PCNX4: variants seen among roughly 807,000 people sequenced by gnomAD.
PCNX4 encodes the protein pecanex 4, also known as pecanex-like protein 4.
A neutral mutation model predicts 107.2 loss-of-function variants in PCNX4; 103 were observed. The observed-to-expected ratio is 0.96, with a 90% confidence interval of 0.82 to 1.13. The LOEUF is 1.13. Among genes scored for constraint, PCNX4 ranks in the 50% most tolerant of loss-of-function variants. PCNX4 has a pLI of 0.00. For synonymous variants in PCNX4, 541 were observed against 481.7 expected, an observed-to-expected ratio of 1.12 and a Z score of -1.61; for missense variants, 1,528 against 1,379.4, an observed-to-expected ratio of 1.11 and a Z score of -1.71.
intron 6 of PCNX4, 126 bp downstream of exon 6, chr14:60,116,186 C>T (rs1775111263): frequency 1.1e-6 from 1 of 944,312 alleles, no homozygotes; most frequent in Non-Finnish European, 1.5e-6. Context: ...TTTCAACATC[C>T]CAAAAAGAAA....
rs1228063171 is a variant in PCNX4 at position 60,134,208 on chromosome 14, T to C, written c.3506T>C (p.Ile1169Thr). The C allele has an allele frequency of 1.2e-6, 2 of 1,613,590 alleles. No homozygotes were observed. Among genetic ancestry groups the C allele is most frequent in the African/African-American group, 1.3e-5 (1 of 75,056 alleles). Residue 1169 changes from isoleucine (I) to threonine (T), a missense_variant, in exon 11 of 11, where the codon ATA (isoleucine) becomes ACA (threonine). Ile to Thr is a moderately conservative substitution (Grantham distance 89, BLOSUM62 -1). Coordinates refer to ENST00000406854, the MANE Select transcript of PCNX4 (RefSeq NM_001330177.2). The stretch of plus-strand genomic sequence containing the variant: ...ATTTATTCTTCAAAACCTCTCCACA[T>C]ACATTTGTATTAGAGCTCATTTTGA... ...YPIYSSKPLH[I>T]HLY
chr14:60,105,172 A>G (rs1413680872), intron 1 of PCNX4, among the ~76,000 whole-genome samples: 1 of 152,220 alleles, frequency 6.6e-6, no homozygotes, highest in Admixed American at 6.5e-5. Context: ...GTGATGCCTA[A>G]CCTGTAGTAT....
chr14:60,129,318 C>G (rs1206741878), intron 10 of PCNX4, among the ~76,000 whole-genome samples: 1 of 151,802 alleles, frequency 6.6e-6, no homozygotes, highest in African/African-American at 2.4e-5. Flanking sequence ...TTTGGGAGGC[C>G]AAGGCAGGAG....
At chr14:60,094,096 C>T (rs927496504) in intron 1 of PCNX4, among the ~76,000 whole-genome samples, 6 of 152,042 alleles carry the variant, frequency 3.9e-5, no homozygotes, top group Admixed American at 3.3e-4. Context: ...TATAGTCTAG[C>T]TATAAGTCAT....
At chr14:60,128,122 C>A (rs1296240373) in intron 10 of PCNX4, among the ~76,000 whole-genome samples, 2 of 152,026 alleles carry the variant, frequency 1.3e-5, no homozygotes, top group East Asian at 3.9e-4. Flanking sequence ...ACTGCTCCAA[C>A]ATACACTTAG....
rs375664761 is a variant in PCNX4 at position 60,091,970 on chromosome 14, C to G, written c.-503C>G. 2 of 152,442 alleles carry G rather than the reference C, an allele frequency of 1.3e-5. No homozygotes were observed. The highest frequency in any genetic ancestry group is 1.9e-4 in the East Asian group (1 of 5,204). The allele number at this position is 152,442 out of a possible 1,614,324, so 9.4% of individuals were successfully genotyped here. On this transcript the variant is annotated 5_prime_UTR_variant, in exon 1 of 11. Transcript: ENST00000406854. The stretch of plus-strand genomic sequence containing the variant: ...AACGTTCAGGGCGTCTCGGCTTTCC[C>G]CGCTGCTGCTTCTGCTAGGCCCAGT...
At chr14:60,130,383 A>G (rs1221931184) in intron 10 of PCNX4, among the ~76,000 whole-genome samples, 1 of 151,848 alleles carries the variant, frequency 6.6e-6, no homozygotes, top group Non-Finnish European at 1.5e-5. Flanking sequence ...ACTATTTAAC[A>G]AAATCCCACA....
rs1251336974 is a variant in PCNX4 at position 60,142,945 on chromosome 14, C to T, written c.*8724C>T. ...TGCCACTGTACTCTAGCCTGGGCGA[C>T]ACAGTAAGACTCCATCTCCAAAAGA... is the stretch of plus-strand genomic sequence containing the variant. On this transcript the variant is annotated 3_prime_UTR_variant, in exon 11 of 11. Transcript: ENST00000406854. This position sits in a 1 kb window ranked among gnomAD's most constrained non-coding sequence, Gnocchi z 4.7. The T allele has an allele frequency of 6.6e-6, 1 of 151,888 alleles. No homozygotes were observed. The highest frequency in any genetic ancestry group is 2.4e-5 in the African/African-American group (1 of 41,220). 9.4% of individuals were successfully genotyped at this position (151,888 alleles called of 1,614,324 possible). A position where few individuals can be genotyped will look rare whatever the true frequency, so the allele number is the denominator to read the frequency against.
rs1165126584 is a variant in PCNX4 at position 60,135,943 on chromosome 14, T to C, written c.*1722T>C. 1 of 152,176 alleles carries C rather than the reference T, an allele frequency of 6.6e-6. No homozygotes were observed. The highest frequency in any genetic ancestry group is 1.5e-5 in the Non-Finnish European group (1 of 68,018). 9.4% of individuals were successfully genotyped at this position (152,176 alleles called of 1,614,324 possible). ...CAAATAATGTGAATTTTAAGTTGTTTAGAGATTTTCACTGTGATAATAATG... is the reference window on the plus strand; with the variant it reads ...CAAATAATGTGAATTTTAAGTTGTTCAGAGATTTTCACTGTGATAATAATG... On this transcript the variant is annotated 3_prime_UTR_variant, in exon 11 of 11. Coordinates refer to ENST00000406854, the MANE Select transcript of PCNX4 (RefSeq NM_001330177.2).
intron 7 of PCNX4, among the ~76,000 whole-genome samples, chr14:60,119,774 G>A (rs1037246682): frequency 2.6e-5 from 4 of 152,232 alleles, no homozygotes; most frequent in Admixed American, 2.6e-4. Flanking sequence ...GCGTTATAAA[G>A]TATTTTCTGG....
At chr14:60,116,344 A>T (rs1057256753) in intron 6 of PCNX4, among the ~76,000 whole-genome samples, 4 of 152,184 alleles carry the variant, frequency 2.6e-5, no homozygotes, top group African/African-American at 2.4e-5. Flanking sequence ...GATCTTTTGC[A>T]TCTGGCTTCT....
At chr14:60,098,808 C>T (rs1187667512) in intron 1 of PCNX4, among the ~76,000 whole-genome samples, 1 of 151,918 alleles carries the variant, frequency 6.6e-6, no homozygotes, top group African/African-American at 2.4e-5. Flanking sequence ...CGTGGTGGTG[C>T]ATGCCTGTAA....
chr14:60,102,248 C>A (rs1258349141), intron 1 of PCNX4, among the ~76,000 whole-genome samples: 3 of 151,850 alleles, frequency 2.0e-5, no homozygotes, highest in Admixed American at 2.0e-4. Context: ...AAATCAAAAT[C>A]CTAACAATAC....
chr14:60,109,369 C>T (rs1895691830), intron 2 of PCNX4: 1 of 167,118 alleles, frequency 6.0e-6, no homozygotes, highest in Non-Finnish European at 1.5e-5. Flanking sequence ...TACCAAATAC[C>T]TAAAAATGTG....
chr14:60,105,587 T>C (rs751806215), intron 1 of PCNX4, among the ~76,000 whole-genome samples: 1 of 152,212 alleles, frequency 6.6e-6, no homozygotes, highest in Non-Finnish European at 1.5e-5. Flanking sequence ...TTTCAGTATA[T>C]CATGGGCAGC....
rs1896209813 is a variant in PCNX4, at chr14:60,134,320, C to T, written c.*99C>T. On this transcript the variant is annotated 3_prime_UTR_variant, in exon 11 of 11. Coordinates refer to ENST00000406854, the MANE Select transcript of PCNX4 (RefSeq NM_001330177.2). The stretch of plus-strand genomic sequence containing the variant: ...TGTAACTTGAGGACTTCTCCACACC[C>T]CCATTCAGATGCCTGAGAACAGCTA... 5 of 1,417,144 alleles carry T rather than the reference C, an allele frequency of 3.5e-6. No individual in the cohort carries two copies. In the East Asian group the frequency reaches 6.8e-5, roughly 19 times the overall value. The allele number at this position is 1,417,144 out of a possible 1,614,324, so 87.8% of individuals were successfully genotyped here.
chr14:60,132,712 G>T (rs1229211907), intron 10 of PCNX4, among the ~76,000 whole-genome samples: 1 of 151,824 alleles, frequency 6.6e-6, no homozygotes, highest in Non-Finnish European at 1.5e-5. Context: ...TCTGATAAGG[G>T]ACTGTTACTA....
intron 4 of PCNX4, 107 bp downstream of exon 4, chr14:60,115,568 G>T (rs1895830685): frequency 5.0e-6 from 7 of 1,411,908 alleles, no homozygotes; most frequent in Non-Finnish European, 6.6e-6. Flanking sequence ...ATATACAAGT[G>T]TTTGTTCTTT....
At chr14:60,100,707 A>G (rs1895514219) in intron 1 of PCNX4, among the ~76,000 whole-genome samples, 1 of 152,376 alleles carries the variant, frequency 6.6e-6, no homozygotes, top group East Asian at 1.9e-4. Flanking sequence ...CTAGAGAGTC[A>G]TGCCCTACAA....
Sources: allele counts gnomAD v4.1 joint callset (sites outside exome capture counted in the v4.1 genomes callset), GRCh38; gene constraint gnomAD v4.1.1; non-coding constraint Gnocchi (gnomAD v3.1); transcripts MANE v1.5; gene names NCBI Gene and HGNC (gene_info 2026-07-23, HGNC 2026-07-21).